Variants in PAK1 observed in about 807,000 individuals in gnomAD.
PAK1 encodes serine/threonine-protein kinase PAK 1.
Under a neutral mutation model 67.4 loss-of-function variants are expected in PAK1, and 29 were observed. That is an observed-to-expected ratio of 0.43 (90% CI 0.32 to 0.59). The LOEUF (loss-of-function observed/expected upper bound fraction) is 0.59. Ranked by LOEUF, PAK1 falls within the 20% of genes least tolerant of loss-of-function variation. PAK1 has a pLI of 0.07. For missense variants in PAK1, 337 were observed against 670.7 expected (o/e 0.50, Z 5.50); for synonymous variants, 223 against 237.4 (o/e 0.94, Z 0.56).
At chr11:77,437,283 C>A (rs932601418) in intron 1 of PAK1, among the ~76,000 whole-genome samples, 3 of 152,114 alleles carry the variant, frequency 2.0e-5, no homozygotes, top group Non-Finnish European at 4.4e-5. Context: ...CAGTCCCTGA[C>A]ACATACTTAG....
chr11:77,484,841 G>C, the PAK1 span, among the ~76,000 whole-genome samples: 4 of 152,138 alleles, frequency 2.6e-5, no homozygotes, highest in African/African-American at 9.7e-5. Flanking sequence ...CCTGAGACTG[G>C]GTAATTTACA....
chr11:77,450,799 C>A (rs1211722690), intron 1 of PAK1, among the ~76,000 whole-genome samples: 1 of 152,220 alleles, frequency 6.6e-6, no homozygotes, highest in African/African-American at 2.4e-5. Context: ...TGGGCTGCAA[C>A]TGCCTGCAGA....
intron 11 of PAK1, 28 bp downstream of exon 11, chr11:77,340,618 C>G (rs1388777508): frequency 2.6e-6 from 3 of 1,134,414 alleles, no homozygotes; most frequent in Non-Finnish European, 4.0e-6. Context: ...CAGCTTTCTA[C>G]CCAAGACTGC....
intron 1 of PAK1, among the ~76,000 whole-genome samples, chr11:77,446,329 T>A (rs1476864617): frequency 6.6e-6 from 1 of 151,922 alleles, no homozygotes; most frequent in Non-Finnish European, 1.5e-5. Flanking sequence ...CTGGCCAACA[T>A]GGCGAAACCC....
intron 1 of PAK1, among the ~76,000 whole-genome samples, chr11:77,456,858 C>T (rs1957103362): frequency 6.6e-6 from 1 of 151,998 alleles, no homozygotes; most frequent in Admixed American, 6.6e-5. Flanking sequence ...TTTTCTGCCT[C>T]AGCCTCTCGA....
intron 1 of PAK1, among the ~76,000 whole-genome samples, chr11:77,420,530 T>C (rs890488660): frequency 2.6e-5 from 4 of 152,250 alleles, no homozygotes; most frequent in African/African-American, 9.6e-5. Context: ...CTCTTTCAGT[T>C]GCTAAGCCAA....
intron 1 of PAK1, among the ~76,000 whole-genome samples, chr11:77,464,989 AGTGTGT>A (rs57578087): frequency 5.4e-5 from 8 of 148,900 alleles, no homozygotes; most frequent in Non-Finnish European, 7.5e-5. Flanking sequence ...TACATGAAAG[AGTGTGT>A]GTGTGTGTGT....
chr11:77,324,723 C>A (rs985280442), intron 14 of PAK1, among the ~76,000 whole-genome samples: 1 of 151,312 alleles, frequency 6.6e-6, no homozygotes, highest in African/African-American at 2.4e-5. Context: ...TTACAATTCC[C>A]TTGATTAGTC....
At chr11:77,524,227 G>T in the PAK1 span, among the ~76,000 whole-genome samples, 9 of 152,158 alleles carry the variant, frequency 5.9e-5, no homozygotes, top group Non-Finnish European at 4.4e-5. Context: ...CAGGACAAAG[G>T]CCCATAACCA....
chr11:77,493,634 T>C, the PAK1 span, among the ~76,000 whole-genome samples: 2 of 151,648 alleles, frequency 1.3e-5, no homozygotes, highest in African/African-American at 4.9e-5. Flanking sequence ...TGAGTTATCC[T>C]GAAAAGAAGG....
At chr11:77,464,951 C>G (rs993818873) in intron 1 of PAK1, among the ~76,000 whole-genome samples, 3 of 151,844 alleles carry the variant, frequency 2.0e-5, no homozygotes, top group African/African-American at 7.3e-5. Flanking sequence ...CCCTGTAAGT[C>G]AGGGACCAGC....
intron 1 of PAK1, among the ~76,000 whole-genome samples, chr11:77,400,189 A>G (rs1290179142): frequency 6.6e-6 from 1 of 152,196 alleles, no homozygotes; most frequent in Non-Finnish European, 1.5e-5. Flanking sequence ...TTCATGGAGA[A>G]AGATGATGGC....
chr11:77,393,465 A>C (rs1457347123), intron 1 of PAK1, among the ~76,000 whole-genome samples: 1 of 151,846 alleles, frequency 6.6e-6, no homozygotes, highest in Non-Finnish European at 1.5e-5. Context: ...CATCTAATTA[A>C]AAAAAATTTT....
chr11:77,429,094 A>AAAAAAAAAAAAAAAAAAAAC (rs1565696623), intron 1 of PAK1, among the ~76,000 whole-genome samples: 1 of 102,584 alleles, frequency 9.7e-6, no homozygotes, highest in Non-Finnish European at 1.6e-5. Context: ...AAAAAAAAAA[A>AAAAAAAAAAAAAAAAAAAAC]CACACACACA....
chr11:77,501,573 G>C, the PAK1 span, among the ~76,000 whole-genome samples: 1 of 152,182 alleles, frequency 6.6e-6, no homozygotes, highest in Non-Finnish European at 1.5e-5. Context: ...CAAGTGACCA[G>C]TCAGTGCATC....
At chr11:77,468,339 T>C (rs1413564671) in intron 1 of PAK1, among the ~76,000 whole-genome samples, 2 of 152,192 alleles carry the variant, frequency 1.3e-5, no homozygotes, top group Non-Finnish European at 1.5e-5. Context: ...TGGTTCTTTC[T>C]AGACTTACTA....
At chr11:77,490,468 C>T in the PAK1 span, among the ~76,000 whole-genome samples, 1 of 144,430 alleles carries the variant, frequency 6.9e-6, no homozygotes, top group African/African-American at 2.6e-5. Flanking sequence ...GGGGGGTCAG[C>T]CCCCCGCCCG....
In PAK1 at chr11:77,382,521, G is replaced by T. The variant is rs114832368; in HGVS notation, c.191-2527C>A. 2.4e-3 allele frequency among the ~76,000 whole-genome samples: 362 copies of T among 152,196 alleles called. 3 individuals carry two copies. The highest frequency in any genetic ancestry group is 8.3e-3 in the African/African-American group (344 of 41,514). On this transcript the variant is annotated intron_variant, in intron 2 of 14. Transcript: ENST00000356341. The stretch of plus-strand genomic sequence containing the variant: ...CTTTCTTCTTCCTGTTAATTCCCAA[G>T]ACACTGAGTCTGCTACACCACCAAG...
intron 4 of PAK1, among the ~76,000 whole-genome samples, chr11:77,376,201 ATAAG>A (rs1236360574): frequency 2.6e-5 from 4 of 152,194 alleles, no homozygotes; most frequent in Non-Finnish European, 5.9e-5. Context: ...TCATATAAAA[ATAAG>A]TAAACACTCC....
Sources: allele counts gnomAD v4.1 joint callset (sites outside exome capture counted in the v4.1 genomes callset), GRCh38; gene constraint gnomAD v4.1.1; transcripts MANE v1.5; gene names NCBI Gene and HGNC (gene_info 2026-07-23, HGNC 2026-07-21).